AP3B1: variants seen among roughly 807,000 people sequenced by gnomAD.
AP3B1 encodes the protein adaptor related protein complex 3 subunit beta 1.
In AP3B1, 61 loss-of-function variants were observed where a neutral mutation model predicts 132.5. The ratio of observed to expected loss-of-function variants is 0.46; its 90% CI spans 0.37 to 0.57. The LOEUF is 0.57. Among genes scored for constraint, AP3B1 ranks in the 20% least tolerant of loss-of-function variants. The probability of loss-of-function intolerance (pLI) is 0.00; values close to 1 mark genes in which losing one functional copy is unlikely to be tolerated. For synonymous variants in AP3B1, 388 were observed against 438.3 expected (o/e 0.89, Z 1.43); for missense variants, 1,120 against 1,289.4 (o/e 0.87, Z 2.01).
intron 19 of AP3B1, 33 bp downstream of exon 19, chr5:78,113,719 T>C (rs1416850771): frequency 1.2e-5 from 20 of 1,610,906 alleles, no homozygotes; most frequent in Middle Eastern, 1.7e-4. Context: ...TCACAGAATA[T>C]TTTTTGAAGG....
intron 3 of AP3B1, among the ~76,000 whole-genome samples, chr5:78,239,897 TTTC>T (rs1441999051): frequency 2.6e-5 from 4 of 152,338 alleles, no homozygotes; most frequent in African/African-American, 9.6e-5. Flanking sequence ...TCAAAAATGT[TTTC>T]TTTTTCTCTG....
chr5:78,245,215 C>T lies in AP3B1; in HGVS notation c.205-4279G>A, dbSNP rs141405583. On this transcript the variant is annotated intron_variant, in intron 2 of 26. Coordinates refer to ENST00000255194, the MANE Select transcript of AP3B1 (RefSeq NM_003664.5). ...CAATCACTTAGATCTGAGAAGCAGA[C>T]GTTCAGGGCGAAACAGTGAAAGGGA... 1.4e-4 allele frequency among the ~76,000 whole-genome samples: 21 copies of T among 152,272 alleles called. No homozygotes were observed. In the East Asian group the frequency reaches 1.7e-3, roughly 13 times the overall value.
At chr5:78,102,932 CTCT>C (rs750422941) in intron 20 of AP3B1, among the ~76,000 whole-genome samples, 1 of 152,116 alleles carries the variant, frequency 6.6e-6, no homozygotes, top group African/African-American at 2.4e-5. Flanking sequence ...TTGGCATAAT[CTCT>C]TATTAGAAGC....
At chr5:78,093,315 T>C (rs1458773741) in intron 21 of AP3B1, among the ~76,000 whole-genome samples, 1 of 152,132 alleles carries the variant, frequency 6.6e-6, no homozygotes, top group Non-Finnish European at 1.5e-5. Context: ...CGCCTTGGCC[T>C]CCAAAGTGCT....
At chr5:78,183,389 CTCA>C (rs1189103681) in intron 7 of AP3B1, among the ~76,000 whole-genome samples, 3 of 152,110 alleles carry the variant, frequency 2.0e-5, no homozygotes, top group Non-Finnish European at 4.4e-5. Flanking sequence ...TAAAAAATCA[CTCA>C]TCATTCCAAG....
At chr5:78,158,180 A>G (rs1408042209) in intron 13 of AP3B1, among the ~76,000 whole-genome samples, 2 of 152,234 alleles carry the variant, frequency 1.3e-5, no homozygotes, top group Non-Finnish European at 2.9e-5. Flanking sequence ...ATAAGAAATT[A>G]ACTAATATTG....
intron 11 of AP3B1, among the ~76,000 whole-genome samples, chr5:78,173,396 C>G (rs1383717522): frequency 6.6e-6 from 1 of 152,064 alleles, no homozygotes; most frequent in African/African-American, 2.4e-5. Context: ...GAGTCTAAGT[C>G]TCTTTGTAGG....
Position 78,165,883 on chromosome 5 carries a change from A to G in AP3B1, c.1168-211T>C, listed in dbSNP as rs181098266. ...TGGGAGTGCAAGACCAGCCTGACCA[A>G]CATGGAGAAACCCTGTCTCTACTAA... On this transcript the variant is annotated intron_variant, in intron 11 of 26. Transcript: ENST00000255194. Among the ~76,000 whole-genome samples, 58 of 152,298 alleles carry G rather than the reference A, an allele frequency of 3.8e-4. No homozygotes were observed. In the East Asian group the frequency reaches 0.011, roughly 28 times the overall value.
intron 15 of AP3B1, among the ~76,000 whole-genome samples, chr5:78,134,492 C>A (rs1752822993): frequency 6.6e-6 from 1 of 152,120 alleles, no homozygotes; most frequent in Non-Finnish European, 1.5e-5. Flanking sequence ...TTAACTTACA[C>A]CAGAGGCAAA....
Position 78,172,361 on chromosome 5 carries a change from G to A in AP3B1, c.1167+3265C>T, listed in dbSNP as rs574761406. Among the ~76,000 whole-genome samples, 22 of 152,252 alleles carry A rather than the reference G, an allele frequency of 1.4e-4. No individual in the cohort carries two copies. The South Asian group carries it at 3.5e-3, about 24-fold the overall frequency. On this transcript the variant is annotated intron_variant, in intron 11 of 26. Coordinates refer to ENST00000255194, the MANE Select transcript of AP3B1 (RefSeq NM_003664.5). ...TCTGGTAGAATTCGGCAGTGAATCCGTCTGGTCCTGGACTTTATTGGTTGG... is the reference window on the plus strand; with the variant it reads ...TCTGGTAGAATTCGGCAGTGAATCCATCTGGTCCTGGACTTTATTGGTTGG...
chr5:78,214,004 T>C (rs954700631), intron 7 of AP3B1, among the ~76,000 whole-genome samples: 4 of 152,228 alleles, frequency 2.6e-5, no homozygotes. Context: ...AGAGCACCCC[T>C]GCCCTGCTTG....
chr5:78,026,177 C>T (rs997302716), intron 24 of AP3B1, among the ~76,000 whole-genome samples: 10 of 152,114 alleles, frequency 6.6e-5, no homozygotes, highest in Non-Finnish European at 1.0e-4. Context: ...GTGAAAATGA[C>T]TGATGATAGA....
intron 13 of AP3B1, among the ~76,000 whole-genome samples, chr5:78,157,343 T>A (rs928197341): frequency 1.3e-5 from 2 of 152,226 alleles, no homozygotes; most frequent in African/African-American, 2.4e-5. Context: ...TACAAACAGT[T>A]CATTCACTTA....
intron 14 of AP3B1, among the ~76,000 whole-genome samples, chr5:78,148,268 C>T (rs1352251526): frequency 5.9e-5 from 9 of 152,088 alleles, no homozygotes; most frequent in African/African-American, 7.2e-5. Flanking sequence ...AGGACCAGAA[C>T]GAGTTTACTA....
chr5:78,091,277 CAA>C (rs748473899), intron 21 of AP3B1, among the ~76,000 whole-genome samples: 3 of 79,486 alleles, frequency 3.8e-5, no homozygotes, highest in Non-Finnish European at 4.9e-5. Flanking sequence ...ATGTATTTGA[CAA>C]AAAAAAAAAA....
intron 20 of AP3B1, 66 bp downstream of exon 20, chr5:78,110,141 G>T: frequency 7.4e-7 from 1 of 1,349,932 alleles, no homozygotes; most frequent in Non-Finnish European, 1.0e-6. Flanking sequence ...GATGAGGATG[G>T]TGTTGTCTAT....
At chr5:78,255,357 T>C (rs1366664953) in intron 2 of AP3B1, among the ~76,000 whole-genome samples, 2 of 151,820 alleles carry the variant, frequency 1.3e-5, no homozygotes, top group Non-Finnish European at 2.9e-5. Flanking sequence ...AAAAACACAC[T>C]GTACCCATAA....
intron 1 of AP3B1, among the ~76,000 whole-genome samples, chr5:78,278,524 G>T (rs1322474619): frequency 1.0e-5 from 1 of 97,016 alleles, no homozygotes; most frequent in East Asian, 2.8e-4. Context: ...GCGTGAACCC[G>T]GGAGGCGGAG....
intron 7 of AP3B1, among the ~76,000 whole-genome samples, chr5:78,211,236 C>T (rs947955628): frequency 1.3e-5 from 2 of 152,114 alleles, no homozygotes; most frequent in Non-Finnish European, 2.9e-5. Flanking sequence ...CCCTGACAGC[C>T]CCATGAATTC....
Sources: allele counts gnomAD v4.1 joint callset (sites outside exome capture counted in the v4.1 genomes callset), GRCh38; gene constraint gnomAD v4.1.1; transcripts MANE v1.5; gene names NCBI Gene and HGNC (gene_info 2026-07-23, HGNC 2026-07-21).